Variants in TTC39B observed in about 807,000 individuals in gnomAD.
TTC39B encodes the protein tetratricopeptide repeat protein 39B.
Under a neutral mutation model 96.6 loss-of-function variants are expected in TTC39B, and 92 were observed. That is an observed-to-expected ratio of 0.95 (90% CI 0.80 to 1.13). TTC39B has a LOEUF of 1.13. TTC39B is among the 50% of genes most tolerant of loss of function. The pLI is 0.00. For missense variants in TTC39B, 955 were observed against 809.3 expected, an observed-to-expected ratio of 1.18 and a Z score of -2.18; for synonymous variants, 367 against 299.4, an observed-to-expected ratio of 1.23 and a Z score of -2.33.
chr9:15,211,113 A>C (rs930419256), intron 5 of TTC39B, among the ~76,000 whole-genome samples, 153 bp downstream of exon 5: 1 of 151,998 alleles, frequency 6.6e-6, no homozygotes, highest in Non-Finnish European at 1.5e-5. Context: ...GTAGATGCCA[A>C]ATGGGAATCC....
intron 2 of TTC39B, among the ~76,000 whole-genome samples, chr9:15,252,670 T>G (rs1376216932): frequency 4.6e-5 from 7 of 151,032 alleles, no homozygotes; most frequent in African/African-American, 1.5e-4. Context: ...GGATATTAGG[T>G]GAAACCTAAG....
chr9:15,225,836 TG>T, intron 3 of TTC39B, 80 bp downstream of exon 3: 7 of 1,319,578 alleles, frequency 5.3e-6, no homozygotes, highest in Non-Finnish European at 7.4e-6. Context: ...CAATGCACTA[TG>T]CAAATATCAG....
At chr9:15,214,285 A>G (rs771356089) in intron 3 of TTC39B, 36 bp from the exon 4 acceptor site, 1 of 1,533,726 alleles carries the variant, frequency 6.5e-7, no homozygotes, top group Admixed American at 1.7e-5. Context: ...GAATTTCTAT[A>G]GCTTTACGAT....
chr9:15,246,435 G>T (rs1417186526), intron 2 of TTC39B, among the ~76,000 whole-genome samples: 2 of 152,134 alleles, frequency 1.3e-5, no homozygotes, highest in African/African-American at 4.8e-5. Flanking sequence ...GCTGGAAATA[G>T]AGAGAAGGAC....
intron 16 of TTC39B, among the ~76,000 whole-genome samples, chr9:15,182,786 AGTT>A (rs1390987553): frequency 1.1e-4 from 16 of 152,336 alleles, no homozygotes; most frequent in African/African-American, 3.8e-4. Flanking sequence ...AATGTCTGCC[AGTT>A]GTTTACATAA....
intron 14 of TTC39B, among the ~76,000 whole-genome samples, chr9:15,187,618 C>A (rs969470499): frequency 6.6e-6 from 1 of 152,190 alleles, no homozygotes; most frequent in Non-Finnish European, 1.5e-5. Flanking sequence ...TACCACCATG[C>A]CTAGCTAATG....
intron 3 of TTC39B, among the ~76,000 whole-genome samples, chr9:15,214,726 C>G (rs1448741466): frequency 1.3e-5 from 2 of 152,094 alleles, no homozygotes; most frequent in African/African-American, 2.4e-5. Context: ...TAACATCTGC[C>G]AAATGTCCTC....
At position 15,191,171 on chromosome 9, in the gene TTC39B, C is replaced by G. The variant is rs74993542; in HGVS notation, c.996+19G>C. The G allele has an allele frequency of 4.5e-3, 6,976 of 1,543,616 alleles. 266 individuals are homozygous for G. The African/African-American group carries it at 0.084, about 18-fold the overall frequency. ...GTCTTATCTTCCCTGTCAAAATTAACATAAAATTAAATTTGTACCCTATTC... is the reference window on the plus strand; with the variant it reads ...GTCTTATCTTCCCTGTCAAAATTAAGATAAAATTAAATTTGTACCCTATTC... On this transcript the variant is annotated intron_variant, in intron 10 of 19. Coordinates refer to ENST00000512701, the Ensembl canonical transcript of TTC39B.
intron 1 of TTC39B, among the ~76,000 whole-genome samples, chr9:15,277,748 G>A (rs1385617872): frequency 6.6e-6 from 1 of 152,116 alleles, no homozygotes; most frequent in Non-Finnish European, 1.5e-5. Flanking sequence ...GACAGTGTTC[G>A]CCCATCACAA....
intron 2 of TTC39B, among the ~76,000 whole-genome samples, chr9:15,244,580 T>C (rs1284769997): frequency 6.6e-6 from 1 of 152,114 alleles, no homozygotes; most frequent in Non-Finnish European, 1.5e-5. Flanking sequence ...CTGATGTTAT[T>C]AGAGGAGTTA....
intron 2 of TTC39B, among the ~76,000 whole-genome samples, chr9:15,233,390 C>T (rs1220751480): frequency 4.6e-5 from 7 of 152,302 alleles, no homozygotes; most frequent in Admixed American, 4.6e-4. Context: ...TTTCCACGGT[C>T]TCCCTCTGAT....
intron 6 of TTC39B, among the ~76,000 whole-genome samples, chr9:15,207,186 C>T (rs527844736): frequency 1.3e-5 from 2 of 152,140 alleles, no homozygotes; most frequent in African/African-American, 4.8e-5. Flanking sequence ...CTGGGCAGTT[C>T]TTTAGAGTAG....
At chr9:15,214,219 A>G (rs1400153019) in exon 4 of TTC39B, 6 of 1,613,884 alleles carry the variant, frequency 3.7e-6, no homozygotes, top group South Asian at 1.1e-5. Flanking sequence ...CTTCGAGGCC[A>G]CTCTTGAGAT....
chr9:15,201,550 T>G (rs1053199009), intron 7 of TTC39B, among the ~76,000 whole-genome samples: 22 of 152,176 alleles, frequency 1.4e-4, no homozygotes, highest in African/African-American at 5.3e-4. Context: ...AAAGCAGATG[T>G]GAATTTTGTA....
At chr9:15,273,102 A>C (rs1447000334) in intron 1 of TTC39B, among the ~76,000 whole-genome samples, 1 of 152,236 alleles carries the variant, frequency 6.6e-6, no homozygotes, top group Non-Finnish European at 1.5e-5. Context: ...TGCATGCAAG[A>C]ACATTTGAGT....
At chr9:15,188,166 A>G in intron 13 of TTC39B, 34 bp from the exon 14 acceptor site, 1 of 1,545,244 alleles carries the variant, frequency 6.5e-7, no homozygotes, top group Non-Finnish European at 8.7e-7. Flanking sequence ...GATCGTCCAG[A>G]TATTAGACAA....
At chr9:15,296,912 AG>A (rs1285444107) in intron 1 of TTC39B, among the ~76,000 whole-genome samples, 2 of 152,152 alleles carry the variant, frequency 1.3e-5, no homozygotes, top group Admixed American at 1.3e-4. Context: ...CCTTGAGCCC[AG>A]GGGGTCAAGT....
chr9:15,231,261 C>T (rs918237029), intron 2 of TTC39B, among the ~76,000 whole-genome samples: 3 of 152,102 alleles, frequency 2.0e-5, no homozygotes, highest in African/African-American at 7.2e-5. Flanking sequence ...AATCCTCCTA[C>T]CCCAGCCTCC....
intron 2 of TTC39B, among the ~76,000 whole-genome samples, chr9:15,246,240 TGACAGGAAA>T: frequency 6.6e-6 from 1 of 151,854 alleles, no homozygotes; most frequent in African/African-American, 2.4e-5. Context: ...GCAACCAGAG[TGACAGGAAA>T]CTCCATCTCA....
Sources: allele counts gnomAD v4.1 joint callset (sites outside exome capture counted in the v4.1 genomes callset), GRCh38; gene constraint gnomAD v4.1.1; transcripts MANE v1.5; gene names NCBI Gene and HGNC (gene_info 2026-07-23, HGNC 2026-07-21).